WNT5A: variants seen among roughly 807,000 people sequenced by gnomAD.
The protein encoded by WNT5A is protein Wnt-5a.
In WNT5A, 9 loss-of-function variants were observed where a neutral mutation model predicts 42.1. That is an observed-to-expected ratio of 0.21 (90% CI 0.13 to 0.37). The LOEUF (loss-of-function observed/expected upper bound fraction) is 0.37. WNT5A is among the 10% of genes least tolerant of loss of function. The probability of loss-of-function intolerance (pLI) is 1.00; values close to 1 mark genes in which losing one functional copy is unlikely to be tolerated. For synonymous variants in WNT5A, 210 were observed against 210.0 expected (o/e 1.00, Z 0.00); for missense variants, 426 against 534.0 (o/e 0.80, Z 1.99).
At position 55,481,406 on chromosome 3, in the gene WNT5A, C is replaced by G. The variant is rs914619040; in HGVS notation, c.7-488G>C. The G allele has an allele frequency of 2.2e-5, 22 of 985,206 alleles. No individual in the cohort carries two copies. In the Admixed American group the frequency reaches 1.2e-3, roughly 52 times the overall value. 61.0% of individuals were successfully genotyped at this position (985,206 alleles called of 1,614,324 possible). A position where few individuals can be genotyped will look rare whatever the true frequency, so the allele number is the denominator to read the frequency against. Reference sequence around the variant, plus strand: ...CACGGAGGCGAGTGGAGCGCGCTGCCGCCAGAGGCTGCCAAGGAGGCGGGG... The same window carrying G: ...CACGGAGGCGAGTGGAGCGCGCTGCGGCCAGAGGCTGCCAAGGAGGCGGGG... On this transcript the variant is annotated intron_variant, in intron 1 of 4. Coordinates refer to ENST00000264634, the MANE Select transcript of WNT5A (RefSeq NM_003392.7).
intron 1 of WNT5A, among the ~76,000 whole-genome samples, chr3:55,482,746 A>C (rs1459246312): frequency 1.3e-5 from 2 of 152,176 alleles, no homozygotes; most frequent in African/African-American, 2.4e-5. Context: ...GCTAGGAGAG[A>C]GAAGGCTCCG....
Position 55,470,330 on chromosome 3 carries a change from A to G in WNT5A, c.905T>C (p.Ile302Thr). 6.2e-7 allele frequency: 1 copy of G among 1,614,040 alleles called. No individual in the cohort carries two copies. The highest frequency in any genetic ancestry group is 8.5e-7 in the Non-Finnish European group (1 of 1,179,894). Residue 302 changes from isoleucine (I) to threonine (T), a missense_variant, in exon 5 of 5, where the codon ATC becomes ACC. Physicochemically the swap from Ile to Thr is moderately conservative, Grantham distance 89. Transcript: ENST00000264634. ...NSPTTQDLVY[I>T]DPSPDYCVRN... Reference sequence around the variant, plus strand: ...CACGCAGTAGTCAGGGCTGGGGTCGATGTAGACCAGGTCTTGTGTGGTGGG... The same window carrying G: ...CACGCAGTAGTCAGGGCTGGGGTCGGTGTAGACCAGGTCTTGTGTGGTGGG...
At chr3:55,502,652 A>G in the WNT5A span, among the ~76,000 whole-genome samples, 1 of 152,222 alleles carries the variant, frequency 6.6e-6, no homozygotes, top group Admixed American at 6.5e-5. Context: ...TTAAGCTACT[A>G]TGTTTGAAGA....
the WNT5A span, among the ~76,000 whole-genome samples, chr3:55,499,373 A>G: frequency 2.6e-5 from 4 of 152,190 alleles, no homozygotes; most frequent in Non-Finnish European, 5.9e-5. Context: ...GCGGGAAGAC[A>G]GTAGGTGAGG....
chr3:55,502,315 C>T, the WNT5A span, among the ~76,000 whole-genome samples: 1 of 152,208 alleles, frequency 6.6e-6, no homozygotes, highest in Non-Finnish European at 1.5e-5. Context: ...TGACCCATGC[C>T]TACTGCAGGA....
Position 55,466,929 on chromosome 3 carries a change from G to T in WNT5A, c.*3163C>A, listed in dbSNP as rs1366836497. Reference sequence around the variant, plus strand: ...TTAAAAGGTTTCAATATGTTACAAGGTTATCCGGAAAGAGAAAAAGCAAAG... The same window carrying T: ...TTAAAAGGTTTCAATATGTTACAAGTTTATCCGGAAAGAGAAAAAGCAAAG... On this transcript the variant is annotated 3_prime_UTR_variant, in exon 5 of 5. Transcript: ENST00000264634. 6 of 152,376 alleles carry T rather than the reference G, an allele frequency of 3.9e-5. No individual in the cohort carries two copies. Among genetic ancestry groups the T allele is most frequent in the Admixed American group, 1.3e-4 (2 of 15,268 alleles). 9.4% of individuals were successfully genotyped at this position (152,376 alleles called of 1,614,324 possible). A position where few individuals can be genotyped will look rare whatever the true frequency, so the allele number is the denominator to read the frequency against.
In WNT5A at chr3:55,481,888, T is replaced by C. The variant is rs541936137; in HGVS notation, c.7-970A>G. Reference sequence around the variant, plus strand: ...CACAGCTTTCTCCCAAATTCTGATTTTTCACTCTCCCTCCCACCCCACACC... The same window carrying C: ...CACAGCTTTCTCCCAAATTCTGATTCTTCACTCTCCCTCCCACCCCACACC... On this transcript the variant is annotated intron_variant, in intron 1 of 4. Coordinates refer to ENST00000264634, the MANE Select transcript of WNT5A (RefSeq NM_003392.7). Among the ~76,000 whole-genome samples, 12 of 152,088 alleles carry C rather than the reference T, an allele frequency of 7.9e-5. No individual in the cohort carries two copies. In the South Asian group the frequency reaches 2.5e-3, roughly 32 times the overall value.
chr3:55,498,009 A>G, the WNT5A span, among the ~76,000 whole-genome samples: 1 of 152,214 alleles, frequency 6.6e-6, no homozygotes, highest in African/African-American at 2.4e-5. Context: ...TACTGTATTC[A>G]TGTTTAAGTC....
At chr3:55,477,397 G>T (rs1356841319) in intron 3 of WNT5A, among the ~76,000 whole-genome samples, 1 of 152,128 alleles carries the variant, frequency 6.6e-6, no homozygotes, top group Non-Finnish European at 1.5e-5. Context: ...GCTCTGAGAC[G>T]CTAGGCACTT....
intron 4 of WNT5A, among the ~76,000 whole-genome samples, chr3:55,471,797 C>T (rs568474083): frequency 4.9e-4 from 74 of 152,304 alleles, no homozygotes; most frequent in African/African-American, 1.7e-3. Flanking sequence ...CCAGAGTCCA[C>T]GTGGTGTGAG....
chr3:55,474,013 G>C (rs1187275286), intron 4 of WNT5A, among the ~76,000 whole-genome samples: 2 of 152,168 alleles, frequency 1.3e-5, no homozygotes, highest in Non-Finnish European at 2.9e-5. Context: ...CGCCCAGGAG[G>C]CCCTTCTGGG....
chr3:55,498,273 G>A, the WNT5A span, among the ~76,000 whole-genome samples: 1 of 152,082 alleles, frequency 6.6e-6, no homozygotes, highest in South Asian at 2.1e-4. Context: ...ATTTCCAGGG[G>A]GATCATCAAT....
chr3:55,473,072 A>T lies in WNT5A; in HGVS notation c.684+1265T>A, dbSNP rs2051282114. Among the ~76,000 whole-genome samples, 4 of 152,180 alleles carry T rather than the reference A, an allele frequency of 2.6e-5. No homozygotes were observed. In the South Asian group the frequency reaches 8.3e-4, roughly 32 times the overall value. ...CAGACAACACTGCATTTTAACCCAGATTTCTCTAATTCCCGAACTGCTAGC... is the reference window on the plus strand; with the variant it reads ...CAGACAACACTGCATTTTAACCCAGTTTTCTCTAATTCCCGAACTGCTAGC... On this transcript the variant is annotated intron_variant, in intron 4 of 4. Coordinates refer to ENST00000264634, the MANE Select transcript of WNT5A (RefSeq NM_003392.7).
intron 3 of WNT5A, among the ~76,000 whole-genome samples, chr3:55,475,063 A>G (rs1186838183): frequency 2.0e-5 from 3 of 152,050 alleles, no homozygotes; most frequent in Admixed American, 1.3e-4. Flanking sequence ...AGCAACAATT[A>G]ACAAAGGAGT....
the WNT5A span, among the ~76,000 whole-genome samples, chr3:55,501,344 C>G: frequency 6.6e-6 from 1 of 152,194 alleles, no homozygotes; most frequent in Non-Finnish European, 1.5e-5. Context: ...ATAAAAAATG[C>G]AACTCCTTGC....
At chr3:55,492,591 G>A (rs575574946), upstream of WNT5A, among the ~76,000 whole-genome samples, 1 of 152,276 alleles carries the variant, frequency 6.6e-6, no homozygotes, top group Non-Finnish European at 1.5e-5. Flanking sequence ...GTAGGGGCTG[G>A]GAAGAGGAGA....
At chr3:55,492,726 T>G (rs931154016), upstream of WNT5A, among the ~76,000 whole-genome samples, 1 of 152,240 alleles carries the variant, frequency 6.6e-6, no homozygotes, top group African/African-American at 2.4e-5. Context: ...CAACACTTAC[T>G]GAGCTCTATG....
At chr3:55,482,154 G>A (rs1260715881) in intron 1 of WNT5A, among the ~76,000 whole-genome samples, 5 of 152,218 alleles carry the variant, frequency 3.3e-5, no homozygotes, top group Non-Finnish European at 7.3e-5. Context: ...CGGGGCCAGA[G>A]GCGCTGGCTT....
At chr3:55,471,014 G>T (rs2051240959) in intron 4 of WNT5A, among the ~76,000 whole-genome samples, 1 of 152,148 alleles carries the variant, frequency 6.6e-6, no homozygotes, top group South Asian at 2.1e-4. Context: ...AAGGTGCCAG[G>T]ATTTGAACCC....
Sources: allele counts gnomAD v4.1 joint callset (sites outside exome capture counted in the v4.1 genomes callset), GRCh38; gene constraint gnomAD v4.1.1; transcripts MANE v1.5; gene names NCBI Gene and HGNC (gene_info 2026-07-23, HGNC 2026-07-21).